The following CAMK2D variants were observed in gnomAD, a reference collection of about 807,000 sequenced individuals.
CAMK2D encodes the protein calcium/calmodulin-dependent protein kinase type II subunit delta.
In CAMK2D, 37 loss-of-function variants were observed where a neutral mutation model predicts 84.0. The observed-to-expected ratio is 0.44, with a 90% CI of 0.34 to 0.58. The LOEUF is 0.58. Among genes scored for constraint, CAMK2D ranks in the 20% least tolerant of loss-of-function variants. The pLI is 0.02. For missense variants in CAMK2D, 448 were observed against 652.5 expected (o/e 0.69, Z 3.41); for synonymous variants, 202 against 212.5 (o/e 0.95, Z 0.43).
At chr4:113,559,412 T>G (rs1340414458) in intron 4 of CAMK2D, among the ~76,000 whole-genome samples, 2 of 152,232 alleles carry the variant, frequency 1.3e-5, no homozygotes, top group African/African-American at 2.4e-5. Context: ...TATTATCACA[T>G]TTTTTGCTCA....
chr4:113,544,117 C>T (rs1164701329), intron 6 of CAMK2D, among the ~76,000 whole-genome samples: 1 of 152,112 alleles, frequency 6.6e-6, no homozygotes, highest in African/African-American at 2.4e-5. Context: ...TCTTCTTTGT[C>T]TCGTTTTCCA....
chr4:113,543,886 G>A (rs1387723427), intron 6 of CAMK2D, among the ~76,000 whole-genome samples: 12 of 151,884 alleles, frequency 7.9e-5, no homozygotes. Context: ...CCGCCTCCTG[G>A]GTTCATGCCA....
At chr4:113,671,766 C>A (rs73843473) in intron 2 of CAMK2D, among the ~76,000 whole-genome samples, 15,396 of 152,216 alleles carry the variant, frequency 0.1, 807 homozygotes, top group African/African-American at 0.11. Flanking sequence ...GTTGACACAC[C>A]AGAGGTGGTA....
intron 5 of CAMK2D, among the ~76,000 whole-genome samples, chr4:113,549,946 C>T (rs568135876): frequency 6.6e-6 from 1 of 152,148 alleles, no homozygotes; most frequent in South Asian, 2.1e-4. Context: ...TATTTTTAAA[C>T]CATAGGAATC....
intron 4 of CAMK2D, among the ~76,000 whole-genome samples, chr4:113,583,241 A>C (rs1373781444): frequency 1.3e-5 from 1 of 74,764 alleles, no homozygotes; most frequent in African/African-American, 4.8e-5. Context: ...TTCATAGGGC[A>C]CAAAAAATGC....
chr4:113,510,382 C>T (rs2154161199), intron 12 of CAMK2D, among the ~76,000 whole-genome samples: 1 of 152,102 alleles, frequency 6.6e-6, no homozygotes, highest in East Asian at 1.9e-4. Context: ...AAATTTGAGA[C>T]AACATAAAAC....
At chr4:113,530,320 T>C (rs2154181912) in intron 8 of CAMK2D, among the ~76,000 whole-genome samples, 1 of 152,304 alleles carries the variant, frequency 6.6e-6, no homozygotes, top group South Asian at 2.1e-4. Flanking sequence ...ATATTTTAAA[T>C]ATTTTTTAGC....
At chr4:113,567,669 G>A (rs1157577783) in intron 4 of CAMK2D, among the ~76,000 whole-genome samples, 1 of 152,210 alleles carries the variant, frequency 6.6e-6, no homozygotes, top group Non-Finnish European at 1.5e-5. Context: ...GTCACCTTAT[G>A]TTAGAACAAC....
At chr4:113,682,363 T>C (rs2099348406) in intron 2 of CAMK2D, among the ~76,000 whole-genome samples, 1 of 152,112 alleles carries the variant, frequency 6.6e-6, no homozygotes, top group Admixed American at 6.5e-5. Flanking sequence ...TTTTAATTTA[T>C]TAAAAAGTCA....
chr4:113,660,716 T>C (rs1341744999), intron 3 of CAMK2D, among the ~76,000 whole-genome samples: 1 of 151,314 alleles, frequency 6.6e-6, no homozygotes, highest in Non-Finnish European at 1.5e-5. Context: ...ACAGGATATA[T>C]GGAATGTAAT....
chr4:113,683,502 G>A (rs1419858729), intron 2 of CAMK2D, among the ~76,000 whole-genome samples: 4 of 152,216 alleles, frequency 2.6e-5, no homozygotes, highest in Admixed American at 6.5e-5. Context: ...CACCAAAACC[G>A]GAGTTACTTA....
chr4:113,628,610 A>G (rs998257572), intron 3 of CAMK2D, among the ~76,000 whole-genome samples: 2 of 152,074 alleles, frequency 1.3e-5, no homozygotes, highest in African/African-American at 4.8e-5. Context: ...TCATTTCATG[A>G]CATATTTGGG....
intron 4 of CAMK2D, among the ~76,000 whole-genome samples, chr4:113,608,915 A>G (rs1227660687): frequency 6.6e-6 from 1 of 152,202 alleles, no homozygotes; most frequent in Non-Finnish European, 1.5e-5. Flanking sequence ...GGACAATGCA[A>G]AGAGAAATAA....
intron 2 of CAMK2D, among the ~76,000 whole-genome samples, chr4:113,690,838 C>T (rs549097078): frequency 1.3e-5 from 2 of 152,114 alleles, no homozygotes; most frequent in South Asian, 4.1e-4. Context: ...AATGGCTGTT[C>T]TGTATTTATT....
chr4:113,724,391 T>C (rs2099539903), intron 2 of CAMK2D, among the ~76,000 whole-genome samples: 1 of 152,002 alleles, frequency 6.6e-6, no homozygotes, highest in Non-Finnish European at 1.5e-5. Flanking sequence ...TACATAAATG[T>C]ATACAATATT....
intron 2 of CAMK2D, among the ~76,000 whole-genome samples, chr4:113,735,706 G>A (rs778032067): frequency 6.6e-6 from 1 of 152,116 alleles, no homozygotes; most frequent in African/African-American, 2.4e-5. Context: ...CAGCAATTTT[G>A]TAAGAAACAG....
intron 4 of CAMK2D, among the ~76,000 whole-genome samples, chr4:113,603,072 A>C (rs926430830): frequency 6.6e-6 from 1 of 151,982 alleles, no homozygotes; most frequent in Admixed American, 6.6e-5. Context: ...CATCTCTATA[A>C]ACTTAGCCCT....
chr4:113,563,848 T>C (rs907828564), intron 4 of CAMK2D, among the ~76,000 whole-genome samples: 1 of 152,194 alleles, frequency 6.6e-6, no homozygotes, highest in Non-Finnish European at 1.5e-5. Context: ...CACCCAAATA[T>C]ACTTCATGTC....
intron 16 of CAMK2D, among the ~76,000 whole-genome samples, chr4:113,467,672 T>G (rs2097491628): frequency 6.6e-6 from 1 of 152,234 alleles, no homozygotes; most frequent in Non-Finnish European, 1.5e-5. Flanking sequence ...ATATCAATAA[T>G]ACATTCAACA....
Sources: allele counts gnomAD v4.1 joint callset (sites outside exome capture counted in the v4.1 genomes callset), GRCh38; gene constraint gnomAD v4.1.1; transcripts MANE v1.5; gene names NCBI Gene and HGNC (gene_info 2026-07-23, HGNC 2026-07-21).